MED12L: variants seen among roughly 807,000 people sequenced by gnomAD.
The protein encoded by MED12L is mediator of RNA polymerase II transcription subunit 12-like protein.
MED12L carries 60 observed loss-of-function variants against 281.3 expected under a neutral mutation model. The ratio of observed to expected loss-of-function variants is 0.21; its 90% CI spans 0.17 to 0.26. MED12L has a LOEUF of 0.26. MED12L is among the 10% of genes least tolerant of loss of function. The probability of loss-of-function intolerance (pLI) is 1.00; values close to 1 mark genes in which losing one functional copy is unlikely to be tolerated. For synonymous variants in MED12L, 974 were observed against 987.2 expected, an observed-to-expected ratio of 0.99 and a Z score of 0.25; for missense variants, 2,146 against 2,680.9, an observed-to-expected ratio of 0.80 and a Z score of 4.41.
intron 32 of MED12L, among the ~76,000 whole-genome samples, chr3:151,382,209 A>G (rs1285655646): frequency 6.6e-6 from 1 of 152,230 alleles, no homozygotes; most frequent in African/African-American, 2.4e-5. Flanking sequence ...AGACACATAC[A>G]TAAGATAGCA....
intron 13 of MED12L, among the ~76,000 whole-genome samples, chr3:151,190,285 C>T (rs1723800926): frequency 6.6e-6 from 1 of 151,974 alleles, no homozygotes; most frequent in African/African-American, 2.4e-5. Flanking sequence ...GATTCTCCTG[C>T]CTCAGCCTCC....
At chr3:151,358,630 G>T (rs1394905047) in intron 20 of MED12L, among the ~76,000 whole-genome samples, 1 of 151,814 alleles carries the variant, frequency 6.6e-6, no homozygotes, top group African/African-American at 2.4e-5. Context: ...ATTTAGTTTG[G>T]CCTTGAAAAT....
intron 38 of MED12L, among the ~76,000 whole-genome samples, chr3:151,392,597 T>C (rs1011524715): frequency 2.6e-5 from 4 of 152,048 alleles, no homozygotes; most frequent in Admixed American, 1.3e-4. Context: ...CAAGACAGTA[T>C]GTACAGCATG....
rs1438017949 is a variant in MED12L at position 151,435,078 on chromosome 3, T to G, written c.*2274T>G. On this transcript the variant is annotated 3_prime_UTR_variant, in exon 45 of 45. Coordinates refer to ENST00000687756, the MANE Select transcript of MED12L (RefSeq NM_001393769.1). ...GAGAGGTTTCTTTTTTTTTTTTTTT[T>G]TTTTCTTTTCTTGCAAATGCATTCT... The G allele has an allele frequency of 6.6e-6, 1 of 150,826 alleles. No individual in the cohort carries two copies. The allele number at this position is 150,826 out of a possible 1,614,324, so 9.3% of individuals were successfully genotyped here.
intron 2 of MED12L, among the ~76,000 whole-genome samples, chr3:151,092,640 AG>A (rs1576707392): frequency 1.3e-5 from 2 of 152,148 alleles, no homozygotes; most frequent in African/African-American, 4.8e-5. Context: ...AAGTGGAGTG[AG>A]GGAGGTGGAA....
intron 5 of MED12L, among the ~76,000 whole-genome samples, chr3:151,154,025 C>T (rs1462059038): frequency 6.6e-6 from 1 of 152,122 alleles, no homozygotes; most frequent in Non-Finnish European, 1.5e-5. Context: ...AAAATAGGCC[C>T]GTCTGGCCAC....
intron 16 of MED12L, among the ~76,000 whole-genome samples, chr3:151,218,835 C>G (rs964312775): frequency 7.3e-6 from 1 of 137,392 alleles, no homozygotes; most frequent in African/African-American, 2.7e-5. Flanking sequence ...CCATTGCACT[C>G]CAGCCTGGGT....
At chr3:151,247,728 A>G (rs1425765179) in intron 16 of MED12L, among the ~76,000 whole-genome samples, 25 of 148,658 alleles carry the variant, frequency 1.7e-4, no homozygotes, top group African/African-American at 5.9e-4. Flanking sequence ...AACCTGCACA[A>G]TGTGCACATG....
chr3:151,185,068 T>G (rs533524523), intron 11 of MED12L, among the ~76,000 whole-genome samples: 1 of 152,148 alleles, frequency 6.6e-6, no homozygotes, highest in Non-Finnish European at 1.5e-5. Context: ...CTAGGTTATG[T>G]CCCTGTGTAA....
chr3:151,194,806 G>A (rs1724427081), intron 16 of MED12L, among the ~76,000 whole-genome samples: 1 of 152,026 alleles, frequency 6.6e-6, no homozygotes, highest in African/African-American at 2.4e-5. Flanking sequence ...TTTTTTTCTG[G>A]ATTTTTATTT....
intron 16 of MED12L, among the ~76,000 whole-genome samples, chr3:151,243,447 G>C (rs1484873943): frequency 1.3e-5 from 2 of 152,038 alleles, no homozygotes; most frequent in African/African-American, 4.8e-5. Context: ...CCAGAAGAGA[G>C]TGGGGGCCAA....
chr3:151,331,964 A>T (rs758313009), intron 16 of MED12L, among the ~76,000 whole-genome samples: 33 of 152,306 alleles, frequency 2.2e-4, no homozygotes, highest in African/African-American at 7.2e-4. Flanking sequence ...ATTAAGCCAT[A>T]GATAGGGTGA....
At position 151,269,835 on chromosome 3, in the gene MED12L, C is replaced by T. The variant is rs534877470; in HGVS notation, c.2250+76169C>T. The T allele has an allele frequency of 1.2e-4, 52 of 440,448 alleles. 2 individuals are homozygous for T. Among genetic ancestry groups the T allele is most frequent in the South Asian group, 7.5e-4 (45 of 59,760 alleles). 27.3% of individuals were successfully genotyped at this position (440,448 alleles called of 1,614,324 possible). On this transcript the variant is annotated intron_variant, in intron 16 of 44. Coordinates refer to ENST00000687756, the MANE Select transcript of MED12L (RefSeq NM_001393769.1). ...ATATAATGAAAACGTTCCAGTCAAACGCAGAGTAAAGTCAGCAGGAAGAGG... is the reference window on the plus strand; with the variant it reads ...ATATAATGAAAACGTTCCAGTCAAATGCAGAGTAAAGTCAGCAGGAAGAGG...
intron 14 of MED12L, among the ~76,000 whole-genome samples, chr3:151,191,328 AT>A (rs1723957039): frequency 6.6e-6 from 1 of 152,180 alleles, no homozygotes; most frequent in Non-Finnish European, 1.5e-5. Context: ...TGTATCATTC[AT>A]TACTTATATC....
intron 16 of MED12L, chr3:151,337,492 T>A (rs981892391): frequency 5.6e-5 from 14 of 248,378 alleles, no homozygotes; most frequent in African/African-American, 3.0e-4. Flanking sequence ...TAATGTATTT[T>A]AAAAATTACA....
At chr3:151,110,997 T>C (rs1337643272) in intron 2 of MED12L, among the ~76,000 whole-genome samples, 1 of 152,194 alleles carries the variant, frequency 6.6e-6, no homozygotes, top group Admixed American at 6.5e-5. Flanking sequence ...TGTATCAGCA[T>C]CACCTGGGAA....
intron 2 of MED12L, among the ~76,000 whole-genome samples, chr3:151,102,076 GAATGAAT>G (rs1373305904): frequency 6.6e-6 from 1 of 152,154 alleles, no homozygotes; most frequent in Non-Finnish European, 1.5e-5. Context: ...TGCTGAATTG[GAATGAAT>G]ACTCAGACTC....
chr3:151,407,842 G>A (rs1188233446), intron 39 of MED12L, among the ~76,000 whole-genome samples: 1 of 151,938 alleles, frequency 6.6e-6, no homozygotes, highest in Non-Finnish European at 1.5e-5. Flanking sequence ...GAGAGATGCT[G>A]AAGTTTCGTA....
At chr3:151,331,708 G>T (rs528823491) in intron 16 of MED12L, among the ~76,000 whole-genome samples, 1 of 152,320 alleles carries the variant, frequency 6.6e-6, no homozygotes, top group African/African-American at 2.4e-5. Flanking sequence ...ATCCTATAGG[G>T]CTCTAAGGAA....
Sources: gnomAD v4.1 joint callset for allele counts (sites outside exome capture counted in the v4.1 genomes callset) on GRCh38, gnomAD v4.1.1 for gene constraint, MANE v1.5 for transcripts, NCBI Gene and HGNC (gene_info 2026-07-23, HGNC 2026-07-21) for gene names.